ITSN2: variants seen among roughly 807,000 people sequenced by gnomAD.
ITSN2 encodes the protein intersectin-2.
Under a neutral mutation model 243.7 loss-of-function variants are expected in ITSN2, and 156 were observed. The observed-to-expected ratio is 0.64, with a 90% CI of 0.56 to 0.73. ITSN2 has a LOEUF of 0.73. ITSN2 is among the 30% of genes least tolerant of loss of function. The pLI, the probability that ITSN2 is intolerant of heterozygous loss-of-function variation, is 0.00. For synonymous variants in ITSN2, 703 were observed against 699.9 expected (o/e 1.00, Z -0.07); for missense variants, 1,801 against 1,996.1 (o/e 0.90, Z 1.86).
In ITSN2 at chr2:24,271,785, C is replaced by T. The variant is rs1331185097; in HGVS notation, c.2238G>A (p.Leu746=). The T allele has an allele frequency of 6.3e-7, 1 of 1,587,068 alleles. No individual in the cohort carries two copies. Among genetic ancestry groups the T allele is most frequent in the Non-Finnish European group, 8.5e-7 (1 of 1,172,114 alleles). ...CCTTACGTTTTTTCTCCTCAGCTTTCAAAGTATCCTTATCCTTACGTTGTT... is the reference window on the plus strand; with the variant it reads ...CCTTACGTTTTTTCTCCTCAGCTTTTAAAGTATCCTTATCCTTACGTTGTT... ...EEKQRKDKDT[L]KAEEKKRETA... is the part of the protein sequence containing the mutation. Residue 746 remains leucine, a synonymous_variant, in exon 19 of 40, where the codon TTG becomes TTA. Transcript: ENST00000355123.
chr2:24,310,292 T>A lies in ITSN2; in HGVS notation c.645A>T (p.Gly215=). 1.2e-6 allele frequency: 2 copies of A among 1,609,452 alleles called. No individual in the cohort carries two copies. The highest frequency in any genetic ancestry group is 1.7e-6 in the Non-Finnish European group (2 of 1,176,476). Residue 215 remains glycine (G), a synonymous_variant, in exon 7 of 40, where the codon GGA becomes GGT. Transcript: ENST00000355123. ...GAGTTAGCTATTCATACCTACTAGA[T>A]CCTAAATCAATCAGAGACTGCGCTT... is the stretch of plus-strand genomic sequence containing the variant. ...IQKAQSLIDL[G]SSSSTSSTAS... is the part of the protein sequence containing the mutation.
At chr2:24,221,712 A>G (rs532601594) in intron 29 of ITSN2, among the ~76,000 whole-genome samples, 4 of 152,346 alleles carry the variant, frequency 2.6e-5, no homozygotes, top group Non-Finnish European at 5.9e-5. Context: ...TCATCTCACT[A>G]GAACAAATAA....
At chr2:24,222,065 A>T (rs1440667036) in intron 29 of ITSN2, among the ~76,000 whole-genome samples, 1 of 152,164 alleles carries the variant, frequency 6.6e-6, no homozygotes, top group African/African-American at 2.4e-5. Flanking sequence ...ATCCTGGCTA[A>T]CACGGTGAAA....
rs962027333 is a variant in ITSN2 at position 24,284,861 on chromosome 2, T to G, written c.1864-18A>C. ...TTCCCACACTGTAAGATAAGGCAGA[T>G]AAAAAGCCAATTAAACTACGTACAG... On this transcript the variant is annotated intron_variant, in intron 16 of 39. Transcript: ENST00000355123. 321 of 1,270,078 alleles carry G rather than the reference T, an allele frequency of 2.5e-4. 1 individual carries two copies. Among genetic ancestry groups the G allele is most frequent in the Non-Finnish European group, 3.6e-4 (318 of 894,330 alleles). The allele number at this position is 1,270,078 out of a possible 1,614,324, so 78.7% of individuals were successfully genotyped here.
At chr2:24,288,508 T>C (rs1407842952) in intron 15 of ITSN2, among the ~76,000 whole-genome samples, 3 of 152,122 alleles carry the variant, frequency 2.0e-5, no homozygotes, top group Non-Finnish European at 2.9e-5. Flanking sequence ...GTATGTTAAT[T>C]AGCTAGGCTC....
At chr2:24,293,572 G>T in intron 15 of ITSN2, 116 bp downstream of exon 15, 1 of 457,960 alleles carries the variant, frequency 2.2e-6, no homozygotes. Flanking sequence ...TAAACTTACA[G>T]GCAAAAAGTG....
At chr2:24,229,531 G>C (rs1479174486) in intron 29 of ITSN2, among the ~76,000 whole-genome samples, 1 of 152,174 alleles carries the variant, frequency 6.6e-6, no homozygotes, top group Non-Finnish European at 1.5e-5. Context: ...AGAGGTTGTA[G>C]TGAGCCAAGA....
intron 25 of ITSN2, among the ~76,000 whole-genome samples, chr2:24,250,527 T>G (rs947626444): frequency 3.9e-5 from 6 of 152,224 alleles, no homozygotes; most frequent in African/African-American, 1.4e-4. Flanking sequence ...ACAGGGAATA[T>G]CTGCATAACT....
chr2:24,330,668 C>CA, intron 1 of ITSN2: 1 of 723,134 alleles, frequency 1.4e-6, no homozygotes, highest in Admixed American at 1.7e-5. Context: ...CTGGAGATGC[C>CA]AAGTGAAGTG....
At chr2:24,273,920 T>A (rs1677689254) in intron 18 of ITSN2, among the ~76,000 whole-genome samples, 1 of 152,206 alleles carries the variant, frequency 6.6e-6, no homozygotes, top group East Asian at 1.9e-4. Flanking sequence ...ATCCAAGATG[T>A]GGTACTAAGA....
intron 17 of ITSN2, among the ~76,000 whole-genome samples, chr2:24,278,564 T>C (rs1678325246): frequency 6.6e-6 from 1 of 151,972 alleles, no homozygotes; most frequent in South Asian, 2.1e-4. Flanking sequence ...AAGTCACTAC[T>C]TCCAGGAGGT....
chr2:24,243,582 T>C (rs938913981), intron 29 of ITSN2, among the ~76,000 whole-genome samples: 1 of 152,124 alleles, frequency 6.6e-6, no homozygotes, highest in African/African-American at 2.4e-5. Flanking sequence ...GCCTCCCACC[T>C]CAGCCTCCCA....
intron 15 of ITSN2, among the ~76,000 whole-genome samples, chr2:24,289,863 T>C (rs1280713631): frequency 1.3e-5 from 2 of 152,228 alleles, no homozygotes; most frequent in Non-Finnish European, 2.9e-5. Flanking sequence ...CTTCTTCCAA[T>C]GTGACCCAGG....
At chr2:24,262,954 C>T (rs1289477388) in intron 20 of ITSN2, among the ~76,000 whole-genome samples, 1 of 152,144 alleles carries the variant, frequency 6.6e-6, no homozygotes, top group African/African-American at 2.4e-5. Flanking sequence ...ATTAAAGACT[C>T]TTCTAATTTG....
chr2:24,286,685 G>A (rs1431154589), intron 15 of ITSN2, among the ~76,000 whole-genome samples: 1 of 152,132 alleles, frequency 6.6e-6, no homozygotes, highest in African/African-American at 2.4e-5. Context: ...TAAATGAGGT[G>A]ATGGATATAA....
intron 1 of ITSN2, among the ~76,000 whole-genome samples, chr2:24,337,146 G>A (rs1040069716): frequency 1.3e-4 from 19 of 149,370 alleles, no homozygotes; most frequent in African/African-American, 4.2e-4. Flanking sequence ...TGAGGAAGGC[G>A]GCTCAGGTTT....
chr2:24,271,872 CTTTT>C lies in ITSN2; in HGVS notation c.2147_2150del (p.Gln716ArgfsTer30). On this transcript the variant is annotated frameshift_variant, in exon 19 of 40. Transcript: ENST00000355123. LOFTEE classifies it high-confidence loss of function. ...CTTGTGTTTTTTCTTCCTGGAGTCG[CTTTT>C]GTTTTTCTTCTTCCTCCTTTCTAAG... is the stretch of plus-strand genomic sequence containing the variant. 2 of 1,603,488 alleles carry C rather than the reference CTTTT, an allele frequency of 1.2e-6. No individual in the cohort carries two copies. Among genetic ancestry groups the C allele is most frequent in the Non-Finnish European group, 1.7e-6 (2 of 1,174,510 alleles).
At chr2:24,350,277 A>G (rs1158847821) in intron 1 of ITSN2, among the ~76,000 whole-genome samples, 3 of 152,224 alleles carry the variant, frequency 2.0e-5, no homozygotes, top group Non-Finnish European at 4.4e-5. Flanking sequence ...AATCTAAGCC[A>G]ATAATTTTCA....
intron 26 of ITSN2, 35 bp downstream of exon 26, chr2:24,248,802 C>T (rs1304492497): frequency 1.2e-5 from 19 of 1,613,316 alleles, no homozygotes; most frequent in East Asian, 2.2e-5. Flanking sequence ...AGAGCAAACA[C>T]GTTAGTAATT....
Sources: gnomAD v4.1 joint callset for allele counts (sites outside exome capture counted in the v4.1 genomes callset) on GRCh38, gnomAD v4.1.1 for gene constraint, MANE v1.5 for transcripts, NCBI Gene and HGNC (gene_info 2026-07-23, HGNC 2026-07-21) for gene names.